Variants in CNTNAP2 observed in about 807,000 individuals in gnomAD.
CNTNAP2 encodes the protein contactin associated protein 2.
CNTNAP2 carries 98 observed loss-of-function variants against 155.2 expected under a neutral mutation model. The ratio of observed to expected loss-of-function variants is 0.63; its 90% CI spans 0.54 to 0.75. CNTNAP2 has a LOEUF of 0.75. Ranked by LOEUF, CNTNAP2 falls within the 30% of genes least tolerant of loss-of-function variation. The pLI is 0.00. For synonymous variants in CNTNAP2, 651 were observed against 631.2 expected, an observed-to-expected ratio of 1.03 and a Z score of -0.47; for missense variants, 1,727 against 1,688.1, an observed-to-expected ratio of 1.02 and a Z score of -0.40.
chr7:146,721,538 TTCTA>T (rs1301913144), intron 1 of CNTNAP2, among the ~76,000 whole-genome samples: 192 of 112,936 alleles, frequency 1.7e-3, no homozygotes, highest in African/African-American at 8.1e-3. Flanking sequence ...TCTATATACA[TTCTA>T]TATATATTCT....
In CNTNAP2 at chr7:148,376,392, C is replaced by T. The variant is rs1383344450; in HGVS notation, c.3476-7257C>T. Among the ~76,000 whole-genome samples the T allele has an allele frequency of 3.0e-5, 2 of 66,066 alleles. 1 individual carries two copies. Among genetic ancestry groups the T allele is most frequent in the Non-Finnish European group, 8.4e-5 (2 of 23,722 alleles). The allele number at this position is 66,066 out of a possible 152,430, so 43.3% of individuals were successfully genotyped here. A position where few individuals can be genotyped will look rare whatever the true frequency, so the allele number is the denominator to read the frequency against. On this transcript the variant is annotated intron_variant, in intron 21 of 23. Coordinates refer to ENST00000361727, the MANE Select transcript of CNTNAP2 (RefSeq NM_014141.6). ...AAAACAAGCCAGTCATGGTGGTGTG[C>T]GCCTGTAGTCCCAGGTACTTAGGAG...
intron 3 of CNTNAP2, among the ~76,000 whole-genome samples, chr7:146,852,027 A>G (rs1314780513): frequency 6.6e-6 from 1 of 151,904 alleles, no homozygotes; most frequent in Non-Finnish European, 1.5e-5. Flanking sequence ...CAAAAAATTT[A>G]TTTGTTTAGA....
At chr7:146,908,996 A>G (rs1585151456) in intron 3 of CNTNAP2, among the ~76,000 whole-genome samples, 1 of 150,488 alleles carries the variant, frequency 6.6e-6, no homozygotes, top group Admixed American at 6.6e-5. Context: ...ACAGAAATAC[A>G]AACTACCATC....
intron 1 of CNTNAP2, among the ~76,000 whole-genome samples, chr7:146,201,364 T>C (rs548084464): frequency 1.7e-4 from 26 of 152,246 alleles, no homozygotes; most frequent in African/African-American, 6.0e-4. Flanking sequence ...TTAAAATACT[T>C]TTAAGTATCC....
chr7:147,999,462 T>C (rs1801861620), intron 15 of CNTNAP2, among the ~76,000 whole-genome samples: 1 of 152,256 alleles, frequency 6.6e-6, no homozygotes, highest in South Asian at 2.1e-4. Context: ...TGGAAAAAAG[T>C]AGTATTTTAC....
chr7:146,714,888 G>A (rs1801160247), intron 1 of CNTNAP2, among the ~76,000 whole-genome samples: 1 of 152,088 alleles, frequency 6.6e-6, no homozygotes, highest in Non-Finnish European at 1.5e-5. Flanking sequence ...CCCATTATTT[G>A]GGTTACCAGA....
intron 3 of CNTNAP2, among the ~76,000 whole-genome samples, chr7:146,880,921 G>A (rs781667133): frequency 6.6e-6 from 1 of 152,090 alleles, no homozygotes; most frequent in Non-Finnish European, 1.5e-5. Flanking sequence ...GCAGAATTGT[G>A]GCTTTGTGTT....
intron 20 of CNTNAP2, among the ~76,000 whole-genome samples, chr7:148,257,086 A>G (rs1796468031): frequency 1.3e-5 from 2 of 152,242 alleles, no homozygotes; most frequent in Admixed American, 1.3e-4. Context: ...CTGGGAGTGC[A>G]CAGTGCCTCC....
intron 1 of CNTNAP2, among the ~76,000 whole-genome samples, chr7:146,210,400 T>C (rs1290065066): frequency 6.6e-6 from 1 of 152,018 alleles, no homozygotes; most frequent in African/African-American, 2.4e-5. Flanking sequence ...GCCTCCCGGG[T>C]TCAAGTGATT....
chr7:147,158,379 C>T (rs189860466), intron 8 of CNTNAP2, among the ~76,000 whole-genome samples: 1 of 152,194 alleles, frequency 6.6e-6, no homozygotes, highest in East Asian at 1.9e-4. Context: ...AAGTTCAACT[C>T]ATTCCTAATA....
intron 14 of CNTNAP2, among the ~76,000 whole-genome samples, chr7:147,964,354 G>T (rs1048435478): frequency 6.6e-6 from 1 of 152,132 alleles, no homozygotes; most frequent in African/African-American, 2.4e-5. Flanking sequence ...CAGTCTCGAA[G>T]AATTAAATTT....
rs532837902 is a variant in CNTNAP2, at chr7:147,886,475, C to CAAAAAAAAAAAA, written c.2099-17073_2099-17062dup. Among the ~76,000 whole-genome samples, 34 of 39,734 alleles carry CAAAAAAAAAAAA rather than the reference C, an allele frequency of 8.6e-4. 1 individual carries two copies. Among genetic ancestry groups the CAAAAAAAAAAAA allele is most frequent in the African/African-American group, 3.1e-3 (29 of 9,380 alleles). The allele number at this position is 39,734 out of a possible 152,430, so 26.1% of individuals were successfully genotyped here. On this transcript the variant is annotated intron_variant, in intron 13 of 23. Transcript: ENST00000361727. ...GGGCAACAAGAGGGAAACTCCATCT[C>CAAAAAAAAAAAA]AAAAAAAAAAAAAAAAAAAAAAAAA...
chr7:146,824,598 G>C (rs1014479840), intron 2 of CNTNAP2, among the ~76,000 whole-genome samples: 5 of 151,950 alleles, frequency 3.3e-5, no homozygotes, highest in African/African-American at 1.2e-4. Flanking sequence ...TGTGAGATGA[G>C]ATCTCACTGT....
intron 12 of CNTNAP2, among the ~76,000 whole-genome samples, chr7:147,566,402 C>T (rs1024275010): frequency 3.3e-5 from 5 of 151,062 alleles, no homozygotes; most frequent in African/African-American, 9.7e-5. Flanking sequence ...GGAATTAGTC[C>T]GTTCTCACGC....
At chr7:148,202,137 G>C (rs912551531) in intron 18 of CNTNAP2, among the ~76,000 whole-genome samples, 7 of 151,996 alleles carry the variant, frequency 4.6e-5, no homozygotes, top group Admixed American at 4.6e-4. Flanking sequence ...TTCATATGTG[G>C]CACGGCCCCT....
rs149235890 is a variant in CNTNAP2 at position 147,485,055 on chromosome 7, T to A, written c.1671-880T>A. Reference sequence around the variant, plus strand: ...GGATGGAACCAGGAGAAAGGGTTTGTGCCATTGAAACAGGGGTGTTTCAGG... The same window carrying A: ...GGATGGAACCAGGAGAAAGGGTTTGAGCCATTGAAACAGGGGTGTTTCAGG... On this transcript the variant is annotated intron_variant, in intron 10 of 23. Coordinates refer to ENST00000361727, the MANE Select transcript of CNTNAP2 (RefSeq NM_014141.6). Among the ~76,000 whole-genome samples the A allele has an allele frequency of 6.5e-3, 993 of 152,224 alleles. 5 individuals are homozygous for A. Among genetic ancestry groups the A allele is most frequent in the South Asian group, 0.014 (65 of 4,812 alleles).
intron 3 of CNTNAP2, among the ~76,000 whole-genome samples, chr7:147,013,258 T>C (rs145293747): frequency 6.6e-6 from 1 of 152,210 alleles, no homozygotes; most frequent in Non-Finnish European, 1.5e-5. Flanking sequence ...GAGATGTCCC[T>C]GGAATGATGG....
chr7:146,879,097 A>G (rs1408403148), intron 3 of CNTNAP2, among the ~76,000 whole-genome samples: 1 of 152,180 alleles, frequency 6.6e-6, no homozygotes, highest in Non-Finnish European at 1.5e-5. Flanking sequence ...ATATAATGGA[A>G]AGCAGATGCC....
At chr7:147,869,926 G>A (rs2373269) in intron 13 of CNTNAP2, among the ~76,000 whole-genome samples, 107,013 of 151,982 alleles carry the variant, frequency 0.7, 37,881 homozygotes, top group Middle Eastern at 0.8. Flanking sequence ...CATCCAGTAA[G>A]TATGTATTCA....
Sources: gnomAD v4.1 joint callset for allele counts (sites outside exome capture counted in the v4.1 genomes callset) on GRCh38, gnomAD v4.1.1 for gene constraint, MANE v1.5 for transcripts, NCBI Gene and HGNC (gene_info 2026-07-23, HGNC 2026-07-21) for gene names.